The following GABRA3 variants were observed in gnomAD, a reference collection of about 807,000 sequenced individuals.
GABRA3 encodes gamma-aminobutyric acid receptor subunit alpha-3.
GABRA3 carries 10 observed loss-of-function variants against 30.1 expected under a neutral mutation model. That is an observed-to-expected ratio of 0.33 (90% CI 0.20 to 0.56). The LOEUF (loss-of-function observed/expected upper bound fraction) is 0.56, where lower values mean the gene tolerates loss of function less well. Ranked by LOEUF, GABRA3 falls within the 20% of genes least tolerant of loss-of-function variation. The pLI, the probability that GABRA3 is intolerant of heterozygous loss-of-function variation, is 0.89. For missense variants in GABRA3, 233 were observed against 392.0 expected (o/e 0.59, Z 3.42); for synonymous variants, 151 against 146.8 (o/e 1.03, Z -0.21).
intron 3 of GABRA3, among the ~76,000 whole-genome samples, chrX:152,329,247 G>A (rs1007264625): frequency 8.1e-5 from 9 of 111,587 alleles, no homozygotes; most frequent in Admixed American, 4.8e-4. Flanking sequence ...GGAAGAATCA[G>A]TATCGTGAAA....
intron 4 of GABRA3, among the ~76,000 whole-genome samples, chrX:152,281,403 C>T (rs1939196409): frequency 8.9e-6 from 1 of 111,810 alleles, no homozygotes; most frequent in Admixed American, 9.6e-5. Context: ...ATTGGCATTA[C>T]TACTGAGGAG....
At chrX:152,238,214 T>A (rs1443913543) in intron 5 of GABRA3, among the ~76,000 whole-genome samples, 1 of 102,390 alleles carries the variant, frequency 9.8e-6, no homozygotes, top group Non-Finnish European at 1.9e-5. Flanking sequence ...GGTTGTTGAA[T>A]TTTGTCAAAG....
chrX:152,235,585 C>T (rs916618398), intron 5 of GABRA3, among the ~76,000 whole-genome samples: 2 of 111,638 alleles, frequency 1.8e-5, no homozygotes, highest in Non-Finnish European at 3.8e-5. Flanking sequence ...TTTCTACACA[C>T]TATTTAAAAA....
intron 6 of GABRA3, among the ~76,000 whole-genome samples, chrX:152,223,689 T>C (rs747155257): frequency 2.7e-5 from 3 of 109,640 alleles, no homozygotes; most frequent in Admixed American, 9.9e-5. Flanking sequence ...CTCTATTTTC[T>C]TAATATTTCT....
chrX:152,271,712 A>T (rs1001502388), intron 4 of GABRA3, among the ~76,000 whole-genome samples: 14 of 112,014 alleles, frequency 1.2e-4, no homozygotes, highest in Non-Finnish European at 2.4e-4. Context: ...CTCCCATCAC[A>T]GGCCCAGAGG....
chrX:152,311,134 A>G (rs965374297), intron 3 of GABRA3, among the ~76,000 whole-genome samples: 9 of 111,757 alleles, frequency 8.1e-5, no homozygotes, highest in Non-Finnish European at 1.7e-4. Context: ...CCAGATGTAT[A>G]AAGAAGAGCT....
intron 9 of GABRA3, among the ~76,000 whole-genome samples, chrX:152,170,742 C>T (rs1258529629): frequency 1.8e-5 from 2 of 112,262 alleles, no homozygotes; most frequent in African/African-American, 6.5e-5. Flanking sequence ...GCCTTATATG[C>T]TATGCTCTCT....
intron 2 of GABRA3, among the ~76,000 whole-genome samples, chrX:152,354,953 T>C (rs1307317130): frequency 8.9e-6 from 1 of 112,058 alleles, no homozygotes; most frequent in East Asian, 2.8e-4. Flanking sequence ...TTCATACTTA[T>C]ATTCCAAGTA....
At chrX:152,267,158 G>A (rs1029673324) in intron 4 of GABRA3, among the ~76,000 whole-genome samples, 1 of 111,556 alleles carries the variant, frequency 9.0e-6, no homozygotes, top group South Asian at 3.7e-4. Context: ...TGTCATATAC[G>A]AGCTTTATTA....
At chrX:152,376,670 CAA>C (rs1477707551) in intron 1 of GABRA3, among the ~76,000 whole-genome samples, 3 of 111,755 alleles carry the variant, frequency 2.7e-5, no homozygotes, top group Non-Finnish European at 5.6e-5. Context: ...TTTTATCAAT[CAA>C]GTTTCTTGAA....
chrX:152,218,748 GGGAA>G (rs781312711), intron 6 of GABRA3, among the ~76,000 whole-genome samples: 4 of 111,181 alleles, frequency 3.6e-5, no homozygotes, highest in Non-Finnish European at 5.7e-5. Flanking sequence ...AGAAGAGGAT[GGGAA>G]TAGGGCTCCC....
intron 1 of GABRA3, among the ~76,000 whole-genome samples, chrX:152,366,536 G>T (rs1928666264): frequency 8.9e-6 from 1 of 111,860 alleles, no homozygotes; most frequent in South Asian, 3.7e-4. Flanking sequence ...AGAATAGATG[G>T]CAATTACATA....
chrX:152,275,240 T>TATATATATAATTTATATA lies in GABRA3; in HGVS notation c.330+9427_330+9428insTATATAAATTATATATAT, dbSNP rs1569378362. On this transcript the variant is annotated intron_variant, in intron 4 of 9. Coordinates refer to ENST00000370314, the MANE Select transcript of GABRA3 (RefSeq NM_000808.4). Reference sequence around the variant, plus strand: ...TATATATATATAATTTATATATATTTTATTATATATAATAAAATATATATA... The same window carrying TATATATATAATTTATATA: ...TATATATATATAATTTATATATATTTATATATATAATTTATATATATTATATATAATAAAATATATATA... 5.8e-3 allele frequency among the ~76,000 whole-genome samples: 278 copies of TATATATATAATTTATATA among 47,916 alleles called. 5 individuals carry two copies. Among genetic ancestry groups the TATATATATAATTTATATA allele is most frequent in the African/African-American group, 0.029 (234 of 7,963 alleles). 41.6% of individuals were successfully genotyped at this position (47,916 alleles called of 115,157 possible).
chrX:152,209,043 A>G (rs1204864793), intron 6 of GABRA3, among the ~76,000 whole-genome samples: 1 of 112,309 alleles, frequency 8.9e-6, no homozygotes, highest in African/African-American at 3.2e-5. Flanking sequence ...CATATCAGAG[A>G]AAGCAAAAAT....
chrX:152,437,207 T>C (rs898802499), intron 1 of GABRA3, among the ~76,000 whole-genome samples: 1 of 111,940 alleles, frequency 8.9e-6, no homozygotes, highest in African/African-American at 3.2e-5. Context: ...GTCAATAGCA[T>C]TCCTATATAC....
Position 152,290,357 on chromosome X carries a change from GTTGT to G in GABRA3, c.263-5626_263-5623del, listed in dbSNP as rs764743686. 7.4e-3 allele frequency among the ~76,000 whole-genome samples: 824 copies of G among 111,766 alleles called. 5 individuals are homozygous for G. Among genetic ancestry groups the G allele is most frequent in the South Asian group, 0.012 (33 of 2,660 alleles). On this transcript the variant is annotated intron_variant, in intron 3 of 9. Transcript: ENST00000370314. ...TGTCCTTCACCCACTTTTTGATGGG[GTTGT>G]TTGTTTTTTTCTTGTAAATTTGTTT...
intron 3 of GABRA3, among the ~76,000 whole-genome samples, chrX:152,308,485 G>A (rs1871723955): frequency 8.9e-6 from 1 of 112,260 alleles, no homozygotes; most frequent in Non-Finnish European, 1.9e-5. Flanking sequence ...AAAGCAGAGG[G>A]CCTGGTCTCA....
At chrX:152,386,114 T>G (rs1160778305) in intron 1 of GABRA3, among the ~76,000 whole-genome samples, 2 of 107,663 alleles carry the variant, frequency 1.9e-5, no homozygotes, top group African/African-American at 6.8e-5. Context: ...AAGTAGTTTT[T>G]TCCAATTCTG....
intron 3 of GABRA3, among the ~76,000 whole-genome samples, chrX:152,323,138 A>G (rs1201709661): frequency 9.0e-6 from 1 of 111,247 alleles, no homozygotes; most frequent in African/African-American, 3.3e-5. Flanking sequence ...GGCGTGAGCC[A>G]ATGCACCCAG....
Sources: allele counts gnomAD v4.1 joint callset (sites outside exome capture counted in the v4.1 genomes callset), GRCh38; gene constraint gnomAD v4.1.1; transcripts MANE v1.5; gene names NCBI Gene and HGNC (gene_info 2026-07-23, HGNC 2026-07-21).